Variants in RELCH observed in about 807,000 individuals in gnomAD.
RELCH encodes RAB11 binding and LisH domain, coiled-coil and HEAT repeat containing, also known as RAB11-binding protein RELCH.
A neutral mutation model predicts 150.3 loss-of-function variants in RELCH; 41 were observed. The ratio of observed to expected loss-of-function variants is 0.27; its 90% confidence interval spans 0.21 to 0.35. The LOEUF is 0.35. Among genes scored for constraint, RELCH ranks in the 10% least tolerant of loss-of-function variants. The pLI is 1.00. For synonymous variants in RELCH, 478 were observed against 531.8 expected, an observed-to-expected ratio of 0.90 and a Z score of 1.39; for missense variants, 1,092 against 1,467.8, an observed-to-expected ratio of 0.74 and a Z score of 4.18.
chr18:62,246,846 C>G (rs1053061279), intron 11 of RELCH: 1 of 152,130 alleles, frequency 6.6e-6, no homozygotes, highest in Admixed American at 6.6e-5. Context: ...CAAATGATAT[C>G]TTTTATCCTT....
intron 11 of RELCH, among the ~76,000 whole-genome samples, chr18:62,249,998 T>C (rs1233299657): frequency 6.6e-6 from 1 of 152,140 alleles, no homozygotes; most frequent in African/African-American, 2.4e-5. Context: ...TCACCAATTC[T>C]TTTCTAGCAA....
At chr18:62,278,916 T>G (rs1046970905) in intron 22 of RELCH, among the ~76,000 whole-genome samples, 7 of 152,194 alleles carry the variant, frequency 4.6e-5, no homozygotes, top group Non-Finnish European at 1.0e-4. Flanking sequence ...AACTGAAGTT[T>G]TTTAAATTAG....
chr18:62,272,290 A>G (rs893266770), intron 20 of RELCH, among the ~76,000 whole-genome samples: 1 of 152,122 alleles, frequency 6.6e-6, no homozygotes, highest in Non-Finnish European at 1.5e-5. Flanking sequence ...TCCTTGTATA[A>G]TGTGCGATGT....
chr18:62,205,569 T>A (rs935318938), intron 1 of RELCH, among the ~76,000 whole-genome samples: 1 of 152,260 alleles, frequency 6.6e-6, no homozygotes, highest in Non-Finnish European at 1.5e-5. Context: ...AATTGCTAAG[T>A]AGTAGTCCTG....
In RELCH at chr18:62,260,136, C is replaced by T. The variant is rs117995842; in HGVS notation, c.2203-1375C>T. Among the ~76,000 whole-genome samples the T allele has an allele frequency of 5.9e-3, 756 of 128,304 alleles. 1 individual carries two copies. Among genetic ancestry groups the T allele is most frequent in the South Asian group, 9.5e-3 (38 of 4,018 alleles). The allele number at this position is 128,304 out of a possible 152,430, so 84.2% of individuals were successfully genotyped here. On this transcript the variant is annotated intron_variant, in intron 15 of 28. Coordinates refer to ENST00000644646, the MANE Select transcript of RELCH (RefSeq NM_001346231.2). Reference sequence around the variant, plus strand: ...GAATGGGAGAAAATATTTGCAAACTCTCCATCCAACAAGGGATTAATAACC... The same window carrying T: ...GAATGGGAGAAAATATTTGCAAACTTTCCATCCAACAAGGGATTAATAACC...
At chr18:62,241,019 T>G (rs1373906233) in intron 10 of RELCH, among the ~76,000 whole-genome samples, 1 of 152,090 alleles carries the variant, frequency 6.6e-6, no homozygotes, top group Non-Finnish European at 1.5e-5. Context: ...ACTCACAATC[T>G]TCCTGTGCAA....
chr18:62,199,323 A>C (rs978759418), intron 1 of RELCH, among the ~76,000 whole-genome samples: 1 of 152,048 alleles, frequency 6.6e-6, no homozygotes, highest in African/African-American at 2.4e-5. Flanking sequence ...GTTTCTAATT[A>C]ACTCTTAATA....
chr18:62,252,944 A>G (rs2042799488), intron 12 of RELCH, among the ~76,000 whole-genome samples, 190 bp downstream of exon 12: 2 of 152,184 alleles, frequency 1.3e-5, no homozygotes, highest in African/African-American at 4.8e-5. Flanking sequence ...CATTCAGTCA[A>G]CAAGTACTTA....
At chr18:62,199,388 A>T (rs999879121) in intron 1 of RELCH, among the ~76,000 whole-genome samples, 1 of 152,158 alleles carries the variant, frequency 6.6e-6, no homozygotes, top group African/African-American at 2.4e-5. Flanking sequence ...TTTTTAAAAG[A>T]TGTTAGCTCA....
chr18:62,196,448 T>C (rs2039055527), intron 1 of RELCH, among the ~76,000 whole-genome samples: 1 of 152,142 alleles, frequency 6.6e-6, no homozygotes, highest in Non-Finnish European at 1.5e-5. Context: ...CAGGCATGTC[T>C]TGAATTCCTG....
chr18:62,298,467 G>A (rs1184930137), intron 27 of RELCH, among the ~76,000 whole-genome samples: 1 of 152,148 alleles, frequency 6.6e-6, no homozygotes, highest in Non-Finnish European at 1.5e-5. Context: ...CATAGTGTGT[G>A]TGTATGTTAA....
chr18:62,268,253 C>T (rs1600160985), intron 19 of RELCH, among the ~76,000 whole-genome samples: 3 of 152,016 alleles, frequency 2.0e-5, no homozygotes, highest in Admixed American at 2.0e-4. Context: ...TTGAAATTGT[C>T]CACAGAGGGT....
At chr18:62,208,220 A>C (rs2039934422) in intron 1 of RELCH, among the ~76,000 whole-genome samples, 2 of 151,860 alleles carry the variant, frequency 1.3e-5, no homozygotes, top group South Asian at 4.1e-4. Flanking sequence ...CCATTTTTTA[A>C]TTGTGCTGTC....
chr18:62,201,087 C>T (rs1206620662), intron 1 of RELCH, among the ~76,000 whole-genome samples: 3 of 149,806 alleles, frequency 2.0e-5, no homozygotes, highest in Admixed American at 6.7e-5. Flanking sequence ...GATTCTCCTG[C>T]CTCAGCCTCC....
chr18:62,276,795 A>G (rs2044234035), intron 22 of RELCH, among the ~76,000 whole-genome samples: 1 of 152,070 alleles, frequency 6.6e-6, no homozygotes, highest in Admixed American at 6.6e-5. Flanking sequence ...TACAGAAGCA[A>G]CTTTTAAAAA....
intron 1 of RELCH, among the ~76,000 whole-genome samples, chr18:62,203,607 A>G (rs547353255): frequency 1.3e-5 from 2 of 152,350 alleles, no homozygotes; most frequent in Admixed American, 1.3e-4. Context: ...TCAGATTGCT[A>G]TGTACACTTA....
At chr18:62,217,097 G>T (rs1286202619) in intron 2 of RELCH, among the ~76,000 whole-genome samples, 1 of 151,944 alleles carries the variant, frequency 6.6e-6, no homozygotes, top group African/African-American at 2.4e-5. Flanking sequence ...ATTGTGGTGG[G>T]TGGTTATATT....
chr18:62,251,044 G>C (rs989612984), intron 11 of RELCH, among the ~76,000 whole-genome samples: 7 of 152,168 alleles, frequency 4.6e-5, no homozygotes, highest in Non-Finnish European at 1.0e-4. Flanking sequence ...TCATTCTGAA[G>C]AGTGCAAAGT....
At chr18:62,298,908 T>G in intron 28 of RELCH, 48 bp downstream of exon 28, 5 of 1,052,194 alleles carry the variant, frequency 4.8e-6, no homozygotes, top group Non-Finnish European at 7.2e-6. Flanking sequence ...CTTTAATTTT[T>G]CTATCTAAAT....
Sources: allele counts gnomAD v4.1 joint callset (sites outside exome capture counted in the v4.1 genomes callset), GRCh38; gene constraint gnomAD v4.1.1; transcripts MANE v1.5; gene names NCBI Gene and HGNC (gene_info 2026-07-23, HGNC 2026-07-21).